The following CELF2 variants were observed in gnomAD, a reference collection of about 807,000 sequenced individuals.
CELF2 encodes CUGBP Elav-like family member 2, also known as CUG triplet repeat RNA-binding protein 2.
In CELF2, 8 loss-of-function variants were observed where a neutral mutation model predicts 62.6. That is an observed-to-expected ratio of 0.13 (90% CI 0.07 to 0.23). CELF2 has a LOEUF of 0.23. Ranked by LOEUF, CELF2 falls within the 10% of genes least tolerant of loss-of-function variation. CELF2 has a pLI of 1.00. For missense variants in CELF2, 333 were observed against 671.0 expected (o/e 0.50, Z 5.56); for synonymous variants, 258 against 250.0 (o/e 1.03, Z -0.30).
rs182089165 is a variant in CELF2, at chr10:11,177,826, T to C, written c.271+12144T>C. Among the ~76,000 whole-genome samples the C allele has an allele frequency of 2.8e-4, 42 of 152,242 alleles. No homozygotes were observed. In the East Asian group the frequency reaches 7.5e-3, roughly 27 times the overall value. On this transcript the variant is annotated intron_variant, in intron 2 of 12. Coordinates refer to ENST00000633077, the MANE Select transcript of CELF2 (RefSeq NM_001326342.2). This position sits in a 1 kb window ranked among gnomAD's most constrained non-coding sequence, Gnocchi z 4.8. ...GAGGAGGGCCTTTCTCTGCCTCCCA[T>C]TCCCAAAGCATTCTCCCTAACCCCA...
At chr10:11,153,862 G>A (rs1013189862) in intron 1 of CELF2, among the ~76,000 whole-genome samples, 3 of 152,162 alleles carry the variant, frequency 2.0e-5, no homozygotes, top group Non-Finnish European at 4.4e-5. Flanking sequence ...CCTTGGTATC[G>A]AGGAACCTGT....
At chr10:10,726,841 C>A in the CELF2 span, among the ~76,000 whole-genome samples, 2 of 152,182 alleles carry the variant, frequency 1.3e-5, no homozygotes, top group South Asian at 4.1e-4. Flanking sequence ...ATGCCTGAGA[C>A]TGGTTCATTT....
the CELF2 span, among the ~76,000 whole-genome samples, chr10:10,642,152 A>C: frequency 1.3e-5 from 2 of 152,346 alleles, no homozygotes; most frequent in East Asian, 3.9e-4. Context: ...GAGAGGTCCA[A>C]GTCCTTTTGC....
the CELF2 span, among the ~76,000 whole-genome samples, chr10:10,589,534 C>G: frequency 6.6e-6 from 1 of 152,140 alleles, no homozygotes; most frequent in Non-Finnish European, 1.5e-5. Context: ...GTTTCCAATT[C>G]GTACACCTTT....
chr10:10,589,535 G>T, the CELF2 span, among the ~76,000 whole-genome samples: 1 of 152,100 alleles, frequency 6.6e-6, no homozygotes, highest in African/African-American at 2.4e-5. Context: ...TTTCCAATTC[G>T]TACACCTTTC....
At chr10:10,945,089 G>A (rs1348456472) in intron 2 of CELF2, among the ~76,000 whole-genome samples, 1 of 152,126 alleles carries the variant, frequency 6.6e-6, no homozygotes, top group Non-Finnish European at 1.5e-5. Flanking sequence ...AGCAGTGTGT[G>A]GATTCAGAGT....
the CELF2 span, among the ~76,000 whole-genome samples, chr10:10,716,885 A>T: frequency 6.6e-6 from 1 of 152,188 alleles, no homozygotes; most frequent in Non-Finnish European, 1.5e-5. Flanking sequence ...CATGACCCAG[A>T]TGCTTTAATT....
At chr10:10,759,296 C>CTTTTTTTTTTTTTTTTTTT in the CELF2 span, among the ~76,000 whole-genome samples, 1 of 120,904 alleles carries the variant, frequency 8.3e-6, no homozygotes, top group Non-Finnish European at 1.7e-5. Flanking sequence ...GCCCATTTTT[C>CTTTTTTTTTTTTTTTTTTT]TTTTTTTTTT....
chr10:11,092,864 G>A (rs775940864), intron 1 of CELF2, among the ~76,000 whole-genome samples: 1 of 152,200 alleles, frequency 6.6e-6, no homozygotes, highest in African/African-American at 2.4e-5. Context: ...CGAACACTCA[G>A]TCCACAGCTG....
At chr10:10,484,061 C>G in the CELF2 span, among the ~76,000 whole-genome samples, 1 of 55,364 alleles carries the variant, frequency 1.8e-5, no homozygotes, top group Non-Finnish European at 3.6e-5. Flanking sequence ...TTCTCCCTCC[C>G]TCCCTCCCAC....
At chr10:10,882,693 G>T (rs2061510112) in intron 1 of CELF2, among the ~76,000 whole-genome samples, 1 of 152,162 alleles carries the variant, frequency 6.6e-6, no homozygotes, top group Non-Finnish European at 1.5e-5. Context: ...TTTGCCTCAT[G>T]TGAATTTTCT....
chr10:10,506,144 A>G, the CELF2 span, among the ~76,000 whole-genome samples: 1 of 111,884 alleles, frequency 8.9e-6, no homozygotes, highest in Admixed American at 1.2e-4. Context: ...CAAAATGAAG[A>G]AAAAAAATTT....
chr10:10,653,280 A>G, the CELF2 span, among the ~76,000 whole-genome samples: 16 of 151,516 alleles, frequency 1.1e-4, no homozygotes, highest in Non-Finnish European at 2.1e-4. Context: ...AGACTTTAAC[A>G]CCCCACTGTC....
At chr10:10,860,458 T>C (rs1435197668) in intron 1 of CELF2, among the ~76,000 whole-genome samples, 1 of 152,164 alleles carries the variant, frequency 6.6e-6, no homozygotes, top group African/African-American at 2.4e-5. Flanking sequence ...AGTCTTCTGA[T>C]GGAAATTCTA....
the CELF2 span, among the ~76,000 whole-genome samples, chr10:10,609,657 A>G: frequency 5.9e-5 from 9 of 152,368 alleles, no homozygotes; most frequent in South Asian, 1.7e-3. Flanking sequence ...TTCTTCTTAC[A>G]GAGGAACAGA....
chr10:11,143,009 G>A (rs1388294585), intron 1 of CELF2, among the ~76,000 whole-genome samples: 1 of 151,534 alleles, frequency 6.6e-6, no homozygotes, highest in Non-Finnish European at 1.5e-5. Flanking sequence ...CTCCACTGGG[G>A]GGACTCACTC....
the CELF2 span, among the ~76,000 whole-genome samples, chr10:10,492,027 T>A: frequency 6.6e-6 from 1 of 152,166 alleles, no homozygotes; most frequent in Non-Finnish European, 1.5e-5. Flanking sequence ...CTTGTGCTAT[T>A]CCATTCTCCA....
the CELF2 span, among the ~76,000 whole-genome samples, chr10:10,679,445 A>G: frequency 6.6e-6 from 1 of 152,024 alleles, no homozygotes; most frequent in Non-Finnish European, 1.5e-5. Flanking sequence ...ACCCTCCACC[A>G]TGCCCGGCTA....
chr10:11,062,730 T>C (rs1415960445), intron 1 of CELF2, among the ~76,000 whole-genome samples: 1 of 152,220 alleles, frequency 6.6e-6, no homozygotes, highest in African/African-American at 2.4e-5. Context: ...ATTGTTGAAA[T>C]GACAAAGGAT....
Sources: allele counts gnomAD v4.1 joint callset (sites outside exome capture counted in the v4.1 genomes callset), GRCh38; gene constraint gnomAD v4.1.1; non-coding constraint Gnocchi (gnomAD v3.1); transcripts MANE v1.5; gene names NCBI Gene and HGNC (gene_info 2026-07-23, HGNC 2026-07-21).